ITCH: variants seen among roughly 807,000 people sequenced by gnomAD.
The protein encoded by ITCH is E3 ubiquitin-protein ligase Itchy homolog.
Under a neutral mutation model 126.8 loss-of-function variants are expected in ITCH, and 28 were observed. The observed-to-expected ratio is 0.22, with a 90% CI of 0.16 to 0.30. The LOEUF (loss-of-function observed/expected upper bound fraction) is 0.30, where lower values mean the gene tolerates loss of function less well. ITCH is among the 10% of genes least tolerant of loss of function. The pLI, the probability that ITCH is intolerant of heterozygous loss-of-function variation, is 1.00. For missense variants in ITCH, 631 were observed against 1,032.4 expected (o/e 0.61, Z 5.33); for synonymous variants, 342 against 340.0 (o/e 1.01, Z -0.06).
chr20:34,475,794 T>C (rs184372418), intron 16 of ITCH: 7,326 of 645,900 alleles, frequency 0.011, 73 homozygotes, highest in Admixed American at 0.035. Flanking sequence ...TTAGTAGTTA[T>C]ACAAGGTGAA....
chr20:34,446,877 C>A (rs1479306147), intron 11 of ITCH, among the ~76,000 whole-genome samples: 8 of 152,180 alleles, frequency 5.3e-5, no homozygotes, highest in African/African-American at 1.9e-4. Flanking sequence ...CTCATCAAGA[C>A]TTATTTCCTT....
chr20:34,426,773 G>T (rs575698753), intron 7 of ITCH, among the ~76,000 whole-genome samples: 4 of 149,492 alleles, frequency 2.7e-5, no homozygotes, highest in Non-Finnish European at 5.9e-5. Flanking sequence ...GAAGTTTTTT[G>T]GTTTTTTTTT....
chr20:34,482,106 C>T (rs964123457), intron 20 of ITCH, among the ~76,000 whole-genome samples: 4 of 152,302 alleles, frequency 2.6e-5, no homozygotes, highest in African/African-American at 9.6e-5. Context: ...CCCCGTGATC[C>T]CATGATTCAG....
At chr20:34,373,113 T>C (rs1042420121) in intron 2 of ITCH, among the ~76,000 whole-genome samples, 2 of 152,004 alleles carry the variant, frequency 1.3e-5, no homozygotes, top group African/African-American at 4.8e-5. Context: ...TAGCTGGGAT[T>C]ATAGGCATGT....
chr20:34,447,195 A>G (rs1242965778), intron 11 of ITCH, among the ~76,000 whole-genome samples: 3 of 148,776 alleles, frequency 2.0e-5, no homozygotes, highest in Admixed American at 2.0e-4. Flanking sequence ...TTTTTTAAGT[A>G]CAGCTTCTCC....
intron 6 of ITCH, among the ~76,000 whole-genome samples, chr20:34,414,740 A>C (rs1979587248): frequency 6.6e-6 from 1 of 152,066 alleles, no homozygotes; most frequent in Non-Finnish European, 1.5e-5. Flanking sequence ...TCAGCCTTCC[A>C]AAGTGCTGGG....
At position 34,415,971 on chromosome 20, in the gene ITCH, A is replaced by G. The variant is rs140717543; in HGVS notation, c.475+2092A>G. Among the ~76,000 whole-genome samples the G allele has an allele frequency of 1.8e-3, 269 of 152,042 alleles. 1 individual carries two copies. Among genetic ancestry groups the G allele is most frequent in the Non-Finnish European group, 3.1e-3 (212 of 67,984 alleles). On this transcript the variant is annotated intron_variant, in intron 6 of 24. Transcript: ENST00000374864. ...ACCCCGTCTCTACTAAAAATATAAA[A>G]ATTAGCCTGGCCTGGTGGCGAGCAC...
chr20:34,476,215 T>G, intron 16 of ITCH: 1 of 802,646 alleles, frequency 1.2e-6, no homozygotes, highest in Non-Finnish European at 2.3e-6. Flanking sequence ...TAGCAGAGAA[T>G]CACCAACTTT....
chr20:34,477,689 A>G (rs1025118043), intron 16 of ITCH, 83 bp from the exon 17 acceptor site: 50 of 1,264,278 alleles, frequency 4.0e-5, no homozygotes, highest in Admixed American at 5.2e-5. Context: ...GTTACCTATA[A>G]CGAAGGAGAT....
chr20:34,437,870 C>T (rs1011907084), intron 7 of ITCH, among the ~76,000 whole-genome samples: 1 of 152,158 alleles, frequency 6.6e-6, no homozygotes, highest in African/African-American at 2.4e-5. Context: ...TCCTTTCTAT[C>T]CCTCCAGTTG....
chr20:34,425,661 T>C (rs1423544891), intron 7 of ITCH, among the ~76,000 whole-genome samples: 1 of 152,252 alleles, frequency 6.6e-6, no homozygotes, highest in Non-Finnish European at 1.5e-5. Context: ...AACATAAATC[T>C]AGCCTCTGTG....
chr20:34,458,834 G>A (rs949652260), intron 13 of ITCH, among the ~76,000 whole-genome samples: 1 of 152,118 alleles, frequency 6.6e-6, no homozygotes, highest in Non-Finnish European at 1.5e-5. Flanking sequence ...ACCTCATCTT[G>A]ATACATCTGC....
At chr20:34,416,784 C>G (rs1979917644) in intron 6 of ITCH, among the ~76,000 whole-genome samples, 1 of 152,042 alleles carries the variant, frequency 6.6e-6, no homozygotes, top group Non-Finnish European at 1.5e-5. Flanking sequence ...AGTTTAATAT[C>G]TCGCTACAAG....
rs1979404252 is a variant in ITCH at position 34,413,811 on chromosome 20, C to A, written c.407C>A (p.Ser136Ter). ...KEPTETIGDL[S>*]ICLDGLQLES... ...CCAACAGAGACAATAGGAGACTTGTCAATTTGTCTTGATGGGCTACAGTTA... is the reference window on the plus strand; with the variant it reads ...CCAACAGAGACAATAGGAGACTTGTAAATTTGTCTTGATGGGCTACAGTTA... Residue 136 changes from serine to a stop codon, truncating the protein, a stop_gained, in exon 6 of 25, where the codon TCA (serine) becomes TAA (stop). Transcript: ENST00000374864. LOFTEE classifies it high-confidence loss of function. The A allele has an allele frequency of 6.2e-7, 1 of 1,613,662 alleles. No individual in the cohort carries two copies. The highest frequency in any genetic ancestry group is 8.5e-7 in the Non-Finnish European group (1 of 1,179,688).
chr20:34,395,677 G>A (rs923938253), intron 3 of ITCH, among the ~76,000 whole-genome samples: 1 of 152,118 alleles, frequency 6.6e-6, no homozygotes, highest in Non-Finnish European at 1.5e-5. Context: ...GCCTATTCTG[G>A]ATCTCGCATA....
At chr20:34,464,127 A>G (rs985080958) in intron 14 of ITCH, among the ~76,000 whole-genome samples, 1 of 148,192 alleles carries the variant, frequency 6.7e-6, no homozygotes, top group East Asian at 2.0e-4. Flanking sequence ...GGCGCCCGCC[A>G]CCATGCCCAG....
At chr20:34,499,551 G>A (rs929863412) in intron 23 of ITCH, among the ~76,000 whole-genome samples, 2 of 149,230 alleles carry the variant, frequency 1.3e-5, no homozygotes, top group East Asian at 1.9e-4. Flanking sequence ...CTCCCTTTTC[G>A]TTTCTGATTT....
intron 7 of ITCH, among the ~76,000 whole-genome samples, chr20:34,430,780 A>G (rs532772118): frequency 1.4e-4 from 21 of 152,324 alleles, no homozygotes; most frequent in African/African-American, 4.8e-4. Context: ...GCCCAGCCTA[A>G]AATATTTGAA....
At chr20:34,426,375 C>G (rs1322685480) in intron 7 of ITCH, among the ~76,000 whole-genome samples, 1 of 151,846 alleles carries the variant, frequency 6.6e-6, no homozygotes, top group Non-Finnish European at 1.5e-5. Flanking sequence ...TGAAGCTGTG[C>G]TGTTAGGTAC....
Sources: allele counts gnomAD v4.1 joint callset (sites outside exome capture counted in the v4.1 genomes callset), GRCh38; gene constraint gnomAD v4.1.1; transcripts MANE v1.5; gene names NCBI Gene and HGNC (gene_info 2026-07-23, HGNC 2026-07-21).